TNKS: variants seen among roughly 807,000 people sequenced by gnomAD.
The protein encoded by TNKS is tankyrase, also known as poly [ADP-ribose] polymerase tankyrase-1.
TNKS carries 72 observed loss-of-function variants against 135.8 expected under a neutral mutation model. The observed-to-expected ratio is 0.53, with a 90% CI of 0.44 to 0.64. The LOEUF (loss-of-function observed/expected upper bound fraction) is 0.64, where lower values mean the gene tolerates loss of function less well. Ranked by LOEUF, TNKS falls within the 30% of genes least tolerant of loss-of-function variation. TNKS has a pLI of 0.00. For synonymous variants in TNKS, 849 were observed against 649.3 expected (o/e 1.31, Z -4.68); for missense variants, 1,769 against 1,674.0 (o/e 1.06, Z -0.99).
At chr8:9,616,915 C>T (rs1799665557) in intron 3 of TNKS, among the ~76,000 whole-genome samples, 1 of 152,054 alleles carries the variant, frequency 6.6e-6, no homozygotes, top group East Asian at 1.9e-4. Context: ...TTAACAAAGC[C>T]CTGGGCAACA....
chr8:9,765,954 T>A (rs1807419007), intron 24 of TNKS, among the ~76,000 whole-genome samples, 157 bp downstream of exon 24: 1 of 152,232 alleles, frequency 6.6e-6, no homozygotes, highest in Admixed American at 6.5e-5. Context: ...ACCAGCTTTC[T>A]AATGTATCAC....
intron 5 of TNKS, among the ~76,000 whole-genome samples, chr8:9,696,738 A>G (rs1417022693): frequency 1.3e-5 from 2 of 152,120 alleles, no homozygotes; most frequent in African/African-American, 2.4e-5. Flanking sequence ...GGATATAGCT[A>G]TCCCAGAGAG....
At chr8:9,558,030 G>A (rs1279096728) in intron 1 of TNKS, 4 of 152,030 alleles carry the variant, frequency 2.6e-5, no homozygotes, top group Non-Finnish European at 5.9e-5. Flanking sequence ...AATGCGGAGG[G>A]GCTTATATGC....
chr8:9,754,257 C>G (rs574402298), intron 20 of TNKS, among the ~76,000 whole-genome samples: 54 of 152,280 alleles, frequency 3.5e-4, no homozygotes, highest in African/African-American at 1.1e-3. Flanking sequence ...CCCTAGATAT[C>G]TTTTTAAGAC....
chr8:9,686,766 A>C (rs1023066113), intron 5 of TNKS, among the ~76,000 whole-genome samples: 2 of 152,188 alleles, frequency 1.3e-5, no homozygotes, highest in Non-Finnish European at 2.9e-5. Flanking sequence ...GGGAAAAAGC[A>C]GGAACTTGAA....
Position 9,766,341 on chromosome 8 carries a change from C to CA in TNKS, c.3661dup (p.Ser1221LysfsTer33). ...GGGATTTATTTTGCTGAAAACTCCTCAAAAAGCAACCAATATGTTTATGGA... is the reference window on the plus strand; with the variant it reads ...GGGATTTATTTTGCTGAAAACTCCTCAAAAAAGCAACCAATATGTTTATGGA... On this transcript the variant is annotated frameshift_variant, in exon 25 of 27. Coordinates refer to ENST00000310430, the MANE Select transcript of TNKS (RefSeq NM_003747.3). LOFTEE classifies it high-confidence loss of function. 6.2e-7 allele frequency: 1 copy of CA among 1,613,864 alleles called. No homozygotes were observed. Among genetic ancestry groups the CA allele is most frequent in the Non-Finnish European group, 8.5e-7 (1 of 1,179,926 alleles).
At chr8:9,561,775 A>G (rs1797338182) in intron 1 of TNKS, among the ~76,000 whole-genome samples, 1 of 152,152 alleles carries the variant, frequency 6.6e-6, no homozygotes, top group Non-Finnish European at 1.5e-5. Context: ...GAAACTGCCA[A>G]CACCTTTCCC....
At chr8:9,729,598 T>A (rs1215892833) in intron 13 of TNKS, among the ~76,000 whole-genome samples, 1 of 152,002 alleles carries the variant, frequency 6.6e-6, no homozygotes. Flanking sequence ...TAAAGCAGGG[T>A]TTGAGTCTTT....
At chr8:9,597,165 A>T (rs1338833383) in intron 2 of TNKS, among the ~76,000 whole-genome samples, 2 of 152,234 alleles carry the variant, frequency 1.3e-5, no homozygotes, top group Non-Finnish European at 2.9e-5. Context: ...GACTGATTTT[A>T]CACATTTGCT....
chr8:9,639,866 C>T (rs1426306214), intron 3 of TNKS, among the ~76,000 whole-genome samples: 1 of 152,152 alleles, frequency 6.6e-6, no homozygotes, highest in East Asian at 1.9e-4. Context: ...ACATATATTT[C>T]TACATATATC....
intron 12 of TNKS, among the ~76,000 whole-genome samples, chr8:9,723,425 T>G (rs1223850898): frequency 1.4e-5 from 2 of 144,684 alleles, no homozygotes; most frequent in African/African-American, 2.5e-5. Flanking sequence ...TAATACGGGT[T>G]TGAGATCTAC....
At chr8:9,610,322 G>A (rs4568626) in intron 2 of TNKS, among the ~76,000 whole-genome samples, 2 of 149,886 alleles carry the variant, frequency 1.3e-5, no homozygotes, top group African/African-American at 2.4e-5. Context: ...GTATTATTAC[G>A]GTATAATATA....
intron 3 of TNKS, among the ~76,000 whole-genome samples, chr8:9,619,091 A>T (rs1799763029): frequency 6.6e-6 from 1 of 152,172 alleles, no homozygotes; most frequent in Non-Finnish European, 1.5e-5. Flanking sequence ...GAGTCATTTA[A>T]TCAATTCTGT....
chr8:9,571,090 A>G (rs1797738991), intron 1 of TNKS, among the ~76,000 whole-genome samples: 1 of 152,218 alleles, frequency 6.6e-6, no homozygotes. Flanking sequence ...TGATTCATTC[A>G]TTGTACTATG....
chr8:9,642,714 T>G (rs1284141243), intron 3 of TNKS, among the ~76,000 whole-genome samples: 1 of 146,118 alleles, frequency 6.8e-6, no homozygotes, highest in African/African-American at 2.5e-5. Flanking sequence ...GTAGATACTT[T>G]AATTCTCTTA....
chr8:9,627,378 GGTCA>G (rs1475928490), intron 3 of TNKS, among the ~76,000 whole-genome samples: 2 of 152,208 alleles, frequency 1.3e-5, no homozygotes, highest in African/African-American at 4.8e-5. Flanking sequence ...ATTTATAGCT[GGTCA>G]GTCAGAAGCA....
chr8:9,635,153 G>A (rs1002220098), intron 3 of TNKS, among the ~76,000 whole-genome samples: 4 of 150,502 alleles, frequency 2.7e-5, no homozygotes, highest in South Asian at 2.1e-4. Flanking sequence ...CTGGACGACA[G>A]AGCGAGACTC....
intron 3 of TNKS, among the ~76,000 whole-genome samples, chr8:9,654,394 A>C (rs1231419287): frequency 1.3e-5 from 2 of 151,772 alleles, no homozygotes; most frequent in African/African-American, 2.4e-5. Flanking sequence ...ATGCTTTTAC[A>C]AAAAAAAATT....
intron 11 of TNKS, among the ~76,000 whole-genome samples, chr8:9,718,866 A>T (rs1466655263): frequency 6.6e-6 from 1 of 152,160 alleles, no homozygotes; most frequent in Non-Finnish European, 1.5e-5. Flanking sequence ...AATGTTAAGT[A>T]TTTTTTAGTG....
Sources: allele counts gnomAD v4.1 joint callset (sites outside exome capture counted in the v4.1 genomes callset), GRCh38; gene constraint gnomAD v4.1.1; transcripts MANE v1.5; gene names NCBI Gene and HGNC (gene_info 2026-07-23, HGNC 2026-07-21).